Variants in DLGAP2 observed in about 807,000 individuals in gnomAD.
DLGAP2 encodes the protein disks large-associated protein 2.
In DLGAP2, 26 loss-of-function variants were observed where a neutral mutation model predicts 100.3. The ratio of observed to expected loss-of-function variants is 0.26; its 90% CI spans 0.19 to 0.36. The LOEUF (loss-of-function observed/expected upper bound fraction) is 0.36. Among genes scored for constraint, DLGAP2 ranks in the 10% least tolerant of loss-of-function variants. DLGAP2 has a pLI of 1.00. For synonymous variants in DLGAP2, 886 were observed against 630.1 expected, an observed-to-expected ratio of 1.41 and a Z score of -6.08; for missense variants, 1,858 against 1,453.2, an observed-to-expected ratio of 1.28 and a Z score of -4.53.
chr8:915,990 C>T lies in DLGAP2; in HGVS notation c.73+8024C>T, dbSNP rs1002368413. Among the ~76,000 whole-genome samples the T allele has an allele frequency of 1.7e-4, 26 of 151,326 alleles. 1 individual carries two copies. Among genetic ancestry groups the T allele is most frequent in the Admixed American group, 9.9e-4 (15 of 15,178 alleles). ...ACCCGTCCGTCCATCTGTCCCAGGGCGTGGTTTCTGTGTGTGTTAACCATG... is the reference window on the plus strand; with the variant it reads ...ACCCGTCCGTCCATCTGTCCCAGGGTGTGGTTTCTGTGTGTGTTAACCATG... On this transcript the variant is annotated intron_variant, in intron 2 of 14. Transcript: ENST00000637795.
At chr8:1,167,670 C>T (rs1387538998) in intron 2 of DLGAP2, among the ~76,000 whole-genome samples, 1 of 152,250 alleles carries the variant, frequency 6.6e-6, no homozygotes, top group Middle Eastern at 3.4e-3. Context: ...GGGTAGTAGG[C>T]ACGCAATGGA....
rs557351761 is a variant in DLGAP2, at chr8:1,451,101, G to T, written c.107-50265G>T. On this transcript the variant is annotated intron_variant, in intron 3 of 14. Transcript: ENST00000637795. ...ATGAGTAACACATATCCTACTTAGT[G>T]GATTCCCGTTCTGTGGGCCATGGGT... Among the ~76,000 whole-genome samples the T allele has an allele frequency of 2.0e-5, 3 of 152,196 alleles. No homozygotes were observed. In the South Asian group the frequency reaches 6.2e-4, roughly 32 times the overall value.
chr8:1,478,604 G>A (rs1009230502), intron 3 of DLGAP2, among the ~76,000 whole-genome samples: 14 of 151,224 alleles, frequency 9.3e-5, no homozygotes, highest in Admixed American at 9.2e-4. Flanking sequence ...GCACCTGGAT[G>A]GCAGCCACCC....
intron 6 of DLGAP2, among the ~76,000 whole-genome samples, chr8:1,575,239 G>A (rs933954782): frequency 1.3e-5 from 2 of 152,098 alleles, no homozygotes; most frequent in African/African-American, 4.8e-5. Flanking sequence ...GCAAACGTGG[G>A]AAGGCAGACG....
intron 6 of DLGAP2, among the ~76,000 whole-genome samples, chr8:1,569,419 C>A (rs1475655660): frequency 6.6e-6 from 1 of 152,200 alleles, no homozygotes; most frequent in Non-Finnish European, 1.5e-5. Flanking sequence ...GACCTGCCTG[C>A]CAGGGACCTG....
intron 3 of DLGAP2, among the ~76,000 whole-genome samples, chr8:1,283,116 C>T (rs868729160): frequency 6.9e-4 from 103 of 150,010 alleles, no homozygotes; most frequent in African/African-American, 2.2e-3. Flanking sequence ...CGCCCTGAAC[C>T]ATCCGGACAT....
intron 2 of DLGAP2, among the ~76,000 whole-genome samples, chr8:976,590 CG>C (rs1563123919): frequency 6.6e-6 from 1 of 151,912 alleles, no homozygotes; most frequent in African/African-American, 2.4e-5. Context: ...CCAGCCTGGG[CG>C]ACAGAGCAAG....
In DLGAP2 at chr8:1,001,456, T is replaced by C. The variant is rs1428127244; in HGVS notation, c.73+93490T>C. On this transcript the variant is annotated intron_variant, in intron 2 of 14. Coordinates refer to ENST00000637795, the MANE Select transcript of DLGAP2 (RefSeq NM_001346810.2). ...TCTCTCAAACTTTTCATCTAGAAAATGTTTTTGTGTCCTGATACTATTATT... is the reference window on the plus strand; with the variant it reads ...TCTCTCAAACTTTTCATCTAGAAAACGTTTTTGTGTCCTGATACTATTATT... Among the ~76,000 whole-genome samples, 4 of 152,218 alleles carry C rather than the reference T, an allele frequency of 2.6e-5. No individual in the cohort carries two copies. The East Asian group carries it at 7.7e-4, about 29-fold the overall frequency.
At chr8:1,451,923 C>G (rs1208760884) in intron 3 of DLGAP2, among the ~76,000 whole-genome samples, 1 of 152,266 alleles carries the variant, frequency 6.6e-6, no homozygotes, top group Non-Finnish European at 1.5e-5. Flanking sequence ...GCCCCACACC[C>G]TGCTCTCTTC....
intron 3 of DLGAP2, among the ~76,000 whole-genome samples, chr8:1,276,049 T>C (rs1005744593): frequency 7.2e-6 from 1 of 139,242 alleles, no homozygotes; most frequent in Non-Finnish European, 1.5e-5. Context: ...TATAAAAATA[T>C]ATAATATATA....
intron 2 of DLGAP2, among the ~76,000 whole-genome samples, chr8:1,171,210 C>G (rs1445778990): frequency 6.6e-6 from 1 of 152,218 alleles, no homozygotes; most frequent in East Asian, 1.9e-4. Context: ...GTTTCTTAAT[C>G]CTGAGTTCTA....
intron 2 of DLGAP2, among the ~76,000 whole-genome samples, chr8:1,151,552 G>A (rs565127113): frequency 2.0e-5 from 3 of 152,196 alleles, no homozygotes; most frequent in South Asian, 4.1e-4. Context: ...CGTCTCTGAC[G>A]ATTCCGGTTG....
chr8:1,427,200 GA>G (rs1282750048), intron 3 of DLGAP2, among the ~76,000 whole-genome samples: 2 of 152,126 alleles, frequency 1.3e-5, no homozygotes, highest in African/African-American at 4.8e-5. Flanking sequence ...ATAAAAAGGA[GA>G]AATTGACAAA....
intron 1 of DLGAP2, among the ~76,000 whole-genome samples, chr8:880,150 C>G (rs1282638353): frequency 6.6e-6 from 1 of 152,212 alleles, no homozygotes; most frequent in East Asian, 1.9e-4. Context: ...TTTGTGTTCA[C>G]CTGTGTTCTT....
intron 3 of DLGAP2, among the ~76,000 whole-genome samples, chr8:1,466,482 G>A (rs1002239542): frequency 6.6e-6 from 1 of 151,760 alleles, no homozygotes; most frequent in Non-Finnish European, 1.5e-5. Flanking sequence ...CTTGGCACAG[G>A]GTATCAGGTA....
chr8:1,326,709 C>G (rs1258532016), intron 3 of DLGAP2, among the ~76,000 whole-genome samples: 4 of 152,254 alleles, frequency 2.6e-5, no homozygotes, highest in African/African-American at 9.6e-5. Context: ...AAATTAAAAC[C>G]TTTAAAGAAC....
At chr8:1,209,954 T>A (rs1055205879) in intron 2 of DLGAP2, among the ~76,000 whole-genome samples, 26 of 152,198 alleles carry the variant, frequency 1.7e-4, no homozygotes, top group African/African-American at 6.3e-4. Flanking sequence ...CTGGAGAAAT[T>A]TTATCTTTTT....
intron 8 of DLGAP2, among the ~76,000 whole-genome samples, chr8:1,635,570 G>C (rs1332896699): frequency 1.3e-5 from 2 of 152,138 alleles, no homozygotes; most frequent in East Asian, 3.8e-4. Context: ...ATGATTTTCT[G>C]TCTAAAACTA....
At chr8:1,355,595 C>G (rs577853297) in intron 3 of DLGAP2, among the ~76,000 whole-genome samples, 1 of 152,148 alleles carries the variant, frequency 6.6e-6, no homozygotes, top group African/African-American at 2.4e-5. Context: ...GAACTCCTGA[C>G]CTCATGATCC....
Sources: gnomAD v4.1 joint callset for allele counts (sites outside exome capture counted in the v4.1 genomes callset) on GRCh38, gnomAD v4.1.1 for gene constraint, MANE v1.5 for transcripts, NCBI Gene and HGNC (gene_info 2026-07-23, HGNC 2026-07-21) for gene names.